EXOC6: variants seen among roughly 807,000 people sequenced by gnomAD.
EXOC6 encodes exocyst complex component 6.
EXOC6 carries 60 observed loss-of-function variants against 112.5 expected under a neutral mutation model. The observed-to-expected ratio is 0.53, with a 90% CI of 0.43 to 0.66. The LOEUF is 0.66. Among genes scored for constraint, EXOC6 ranks in the 30% least tolerant of loss-of-function variants. The pLI is 0.00. For missense variants in EXOC6, 855 were observed against 957.1 expected, an observed-to-expected ratio of 0.89 and a Z score of 1.41; for synonymous variants, 295 against 308.0, an observed-to-expected ratio of 0.96 and a Z score of 0.44.
chr10:92,861,426 T>G (rs1847907589), intron 1 of EXOC6, among the ~76,000 whole-genome samples: 1 of 152,126 alleles, frequency 6.6e-6, no homozygotes, highest in South Asian at 2.1e-4. Flanking sequence ...TATCCATGGT[T>G]GTTATTACTG....
At chr10:92,875,368 C>A (rs1014794037) in intron 1 of EXOC6, among the ~76,000 whole-genome samples, 1 of 152,112 alleles carries the variant, frequency 6.6e-6, no homozygotes, top group African/African-American at 2.4e-5. Flanking sequence ...CATGGATACA[C>A]ACACAAATAT....
chr10:92,975,625 G>GC, intron 18 of EXOC6, among the ~76,000 whole-genome samples: 1 of 140,830 alleles, frequency 7.1e-6, no homozygotes, highest in East Asian at 2.3e-4. Flanking sequence ...TGGGGGGTCA[G>GC]CCCCCTGCCC....
chr10:92,835,038 A>T (rs1181567542), intron 1 of EXOC6, among the ~76,000 whole-genome samples: 1 of 152,232 alleles, frequency 6.6e-6, no homozygotes, highest in Non-Finnish European at 1.5e-5. Flanking sequence ...CATCACCATA[A>T]GATTAAAAAC....
upstream of EXOC6, among the ~76,000 whole-genome samples, chr10:92,829,736 A>G (rs1220105929): frequency 6.6e-6 from 1 of 152,198 alleles, no homozygotes; most frequent in Non-Finnish European, 1.5e-5. Context: ...AGGATGAGAT[A>G]GGAAATTGGC....
chr10:92,881,677 C>T (rs989587517), intron 1 of EXOC6, among the ~76,000 whole-genome samples: 7 of 152,092 alleles, frequency 4.6e-5, no homozygotes, highest in South Asian at 2.1e-4. Context: ...AGAGTATCAG[C>T]GATATGGTTT....
chr10:92,987,387 G>A (rs1403946490), intron 18 of EXOC6, among the ~76,000 whole-genome samples: 1 of 152,112 alleles, frequency 6.6e-6, no homozygotes, highest in East Asian at 1.9e-4. Context: ...TTTGGAGGAG[G>A]ATTTGTCTAA....
intron 17 of EXOC6, among the ~76,000 whole-genome samples, chr10:92,959,459 G>A (rs1472448227): frequency 1.3e-5 from 2 of 152,106 alleles, no homozygotes; most frequent in Non-Finnish European, 2.9e-5. Context: ...TTTTTAATTG[G>A]TCTTGATTGT....
At chr10:92,867,788 T>C (rs1848250953) in intron 1 of EXOC6, among the ~76,000 whole-genome samples, 1 of 152,156 alleles carries the variant, frequency 6.6e-6, no homozygotes, top group Admixed American at 6.5e-5. Context: ...GATACACAAC[T>C]GGTCAGTATC....
At chr10:93,003,958 A>G (rs1590019697) in intron 19 of EXOC6, among the ~76,000 whole-genome samples, 1 of 152,224 alleles carries the variant, frequency 6.6e-6, no homozygotes, top group South Asian at 2.1e-4. Context: ...TGGATGGACT[A>G]CAAAATGGAG....
chr10:92,860,216 T>C (rs1166710378), intron 1 of EXOC6, among the ~76,000 whole-genome samples: 1 of 151,814 alleles, frequency 6.6e-6, no homozygotes, highest in African/African-American at 2.4e-5. Flanking sequence ...TTATTTGGCA[T>C]TAAGTACAAT....
intron 1 of EXOC6, among the ~76,000 whole-genome samples, chr10:92,888,586 A>G (rs1469824846): frequency 1.3e-5 from 2 of 152,124 alleles, no homozygotes; most frequent in Admixed American, 1.3e-4. Context: ...CTCTTGCTAG[A>G]TTTTTGCTCC....
chr10:92,854,815 TTG>T (rs541014925), intron 1 of EXOC6, among the ~76,000 whole-genome samples: 5 of 151,766 alleles, frequency 3.3e-5, no homozygotes, highest in Admixed American at 6.6e-5. Flanking sequence ...GATCTGTTTT[TTG>T]TGTGTGTGTG....
chr10:92,885,878 C>T (rs992829962), intron 1 of EXOC6, among the ~76,000 whole-genome samples: 2 of 151,644 alleles, frequency 1.3e-5, no homozygotes, highest in African/African-American at 2.4e-5. Flanking sequence ...ATTGATGTGT[C>T]ATTATCTATA....
intron 1 of EXOC6, among the ~76,000 whole-genome samples, chr10:92,849,999 C>G (rs1316163235): frequency 6.6e-6 from 1 of 152,070 alleles, no homozygotes; most frequent in African/African-American, 2.4e-5. Context: ...AGTGCATTTC[C>G]TTAATTTTCC....
In EXOC6 at chr10:92,975,299, C is replaced by G. The variant is rs549156247; in HGVS notation, c.1953+1067C>G. ...GAGGAGCGTCTCTGCTCGGCCGCCC[C>G]GTCTGAGAAGTGAGGAGACCCTCTG... On this transcript the variant is annotated intron_variant, in intron 18 of 21. Transcript: ENST00000260762. Among the ~76,000 whole-genome samples the G allele has an allele frequency of 6.5e-4, 99 of 151,544 alleles. No homozygotes were observed. The East Asian group carries it at 0.016, about 24-fold the overall frequency.
At chr10:92,968,576 G>A (rs1842160343) in intron 17 of EXOC6, among the ~76,000 whole-genome samples, 1 of 152,002 alleles carries the variant, frequency 6.6e-6, no homozygotes, top group Admixed American at 6.6e-5. Flanking sequence ...GCCAACTTGG[G>A]CAATTTGGAA....
rs573228227 is a variant in EXOC6, at chr10:92,947,989, G to A, written c.1311-285G>A. ...TAGTTACAGATAATGAGCTTGTTCA[G>A]AATATATCACCTTGAGAATTATTCT... is the stretch of plus-strand genomic sequence containing the variant. On this transcript the variant is annotated intron_variant, in intron 13 of 21. Coordinates refer to ENST00000260762, the MANE Select transcript of EXOC6 (RefSeq NM_019053.6). Among the ~76,000 whole-genome samples, 8 of 152,276 alleles carry A rather than the reference G, an allele frequency of 5.3e-5. No individual in the cohort carries two copies. The South Asian group carries it at 1.7e-3, about 32-fold the overall frequency.
intron 1 of EXOC6, among the ~76,000 whole-genome samples, chr10:92,875,203 G>A (rs1053946726): frequency 3.3e-5 from 5 of 152,108 alleles, no homozygotes; most frequent in Non-Finnish European, 5.9e-5. Context: ...CAGTTAAACT[G>A]TTTGAATTAT....
chr10:92,985,404 T>C (rs1161426485), intron 18 of EXOC6, among the ~76,000 whole-genome samples: 1 of 152,186 alleles, frequency 6.6e-6, no homozygotes, highest in Non-Finnish European at 1.5e-5. Flanking sequence ...TTCATCTGCT[T>C]TCTGTCTTGC....
Sources: gnomAD v4.1 joint callset for allele counts (sites outside exome capture counted in the v4.1 genomes callset) on GRCh38, gnomAD v4.1.1 for gene constraint, MANE v1.5 for transcripts, NCBI Gene and HGNC (gene_info 2026-07-23, HGNC 2026-07-21) for gene names.